UGT2A1: variants seen among roughly 807,000 people sequenced by gnomAD.
UGT2A1 encodes the protein UDP glucuronosyltransferase family 2 member A1 complex locus.
A neutral mutation model predicts 45.4 loss-of-function variants in UGT2A1; 61 were observed. The observed-to-expected ratio is 1.34, with a 90% confidence interval of 1.09 to 1.66. The LOEUF (loss-of-function observed/expected upper bound fraction) is 1.66. Ranked by LOEUF, UGT2A1 falls within the 40% of genes most tolerant of loss-of-function variation. UGT2A1 has a pLI of 0.00. For synonymous variants in UGT2A1, 229 were observed against 196.2 expected (o/e 1.17, Z -1.40); for missense variants, 649 against 574.3 (o/e 1.13, Z -1.33).
chr4:69,614,900 G>A (rs1011752875), intron 3 of UGT2A1, among the ~76,000 whole-genome samples: 4 of 152,052 alleles, frequency 2.6e-5, no homozygotes, highest in African/African-American at 9.7e-5. Context: ...TGGTTGGGAG[G>A]CCTCAGACAA....
chr4:69,633,723 T>C lies in UGT2A1; in HGVS notation c.847+1968A>G, dbSNP rs76402486. On this transcript the variant is annotated intron_variant, in intron 3 of 6. Transcript: ENST00000286604. ...GAGTACATAATGTGTGATTCAACTA[T>C]ATAACGTTTAAAGTCAAGGAAAATT... Among the ~76,000 whole-genome samples the C allele has an allele frequency of 1.9e-3, 288 of 152,276 alleles. 7 individuals are homozygous for C. The East Asian group carries it at 0.05, about 27-fold the overall frequency.
intron 3 of UGT2A1, among the ~76,000 whole-genome samples, chr4:69,605,661 C>T (rs1452783840): frequency 7.4e-6 from 1 of 135,720 alleles, no homozygotes; most frequent in Admixed American, 7.3e-5. Context: ...ATCAACCAAA[C>T]TGATAGACCA....
At chr4:69,597,823 G>A (rs1311924992) in intron 4 of UGT2A1, among the ~76,000 whole-genome samples, 1 of 151,956 alleles carries the variant, frequency 6.6e-6, no homozygotes, top group African/African-American at 2.4e-5. Context: ...TGTATTCTGT[G>A]TACCCAGTGA....
intron 3 of UGT2A1, among the ~76,000 whole-genome samples, chr4:69,627,286 C>A (rs1721114860): frequency 6.6e-6 from 1 of 151,630 alleles, no homozygotes; most frequent in Non-Finnish European, 1.5e-5. Flanking sequence ...AAAATCAAAT[C>A]CACTGCTTAT....
Position 69,647,108 on chromosome 4 carries a change from C to T in UGT2A1, c.537G>A (p.Val179=). 6.2e-7 allele frequency: 1 copy of T among 1,612,796 alleles called. No homozygotes were observed. The highest frequency in any genetic ancestry group is 8.5e-7 in the Non-Finnish European group (1 of 1,179,282). The change falls in exon 2 of 7, where the codon GTG becomes GTA. Residue 179 remains valine (V), a synonymous_variant. Transcript: ENST00000286604. ...YSLRFSPAST[V]EKHCGKVPYP... is the part of the protein sequence containing the mutation. Reference sequence around the variant, plus strand: ...ATGGTACCTTCCCACAGTGCTTTTCCACTGTTGAGGCTGGAGAAAACCTCA... The same window carrying T: ...ATGGTACCTTCCCACAGTGCTTTTCTACTGTTGAGGCTGGAGAAAACCTCA...
At chr4:69,650,222 C>T (rs1277952272) in intron 1 of UGT2A1, among the ~76,000 whole-genome samples, 4 of 152,004 alleles carry the variant, frequency 2.6e-5, no homozygotes, top group Non-Finnish European at 5.9e-5. Flanking sequence ...CTCCAGTGAC[C>T]CTGGGCTGCT....
chr4:69,648,582 A>G (rs2109982015), intron 1 of UGT2A1, among the ~76,000 whole-genome samples: 1 of 152,128 alleles, frequency 6.6e-6, no homozygotes, highest in Non-Finnish European at 1.5e-5. Flanking sequence ...TATTTTAAAA[A>G]TTATCCAATT....
chr4:69,611,124 A>C (rs1720012834), intron 3 of UGT2A1, among the ~76,000 whole-genome samples: 1 of 151,634 alleles, frequency 6.6e-6, no homozygotes, highest in Admixed American at 6.6e-5. Context: ...AAAAAAAGAA[A>C]TCTACTGTTT....
chr4:69,614,011 C>T (rs1043024896), intron 3 of UGT2A1, among the ~76,000 whole-genome samples: 9 of 152,016 alleles, frequency 5.9e-5, no homozygotes, highest in African/African-American at 2.2e-4. Flanking sequence ...AAAGGGCATT[C>T]AAATTATAAA....
chr4:69,611,139 GGTTTTT>G (rs1267675456), intron 3 of UGT2A1, among the ~76,000 whole-genome samples: 1 of 151,464 alleles, frequency 6.6e-6, no homozygotes, highest in Non-Finnish European at 1.5e-5. Context: ...CTGTTTTTTG[GGTTTTT>G]GTTTTTGTTT....
At chr4:69,627,566 GAA>G (rs1560486868) in intron 3 of UGT2A1, among the ~76,000 whole-genome samples, 247 of 145,056 alleles carry the variant, frequency 1.7e-3, no homozygotes, top group African/African-American at 5.7e-3. Context: ...GAGAGAGAGA[GAA>G]AGAAAGAGAG....
At chr4:69,620,040 G>A (rs548808115) in intron 3 of UGT2A1, among the ~76,000 whole-genome samples, 1 of 152,098 alleles carries the variant, frequency 6.6e-6, no homozygotes, top group Non-Finnish European at 1.5e-5. Context: ...ACTGAATGGG[G>A]AAAAGCTGTA....
chr4:69,593,542 T>C (rs1159393383), intron 6 of UGT2A1, among the ~76,000 whole-genome samples: 2 of 150,340 alleles, frequency 1.3e-5, no homozygotes, highest in South Asian at 2.1e-4. Flanking sequence ...CACTATCTAC[T>C]AAGCTATATA....
Position 69,602,895 on chromosome 4 carries a change from G to A in UGT2A1, c.848-3501C>T, listed in dbSNP as rs185811811. On this transcript the variant is annotated intron_variant, in intron 3 of 6. Coordinates refer to ENST00000286604, the MANE Select transcript of UGT2A1 (RefSeq NM_001252275.3). The stretch of plus-strand genomic sequence containing the variant: ...AGTGTGGCCAAGATGGTGAAACCCC[G>A]TCTCTACTAAAAATACAAAAAAATT... 6.0e-5 allele frequency among the ~76,000 whole-genome samples: 8 copies of A among 134,040 alleles called. 2 individuals are homozygous for A. In the South Asian group the frequency reaches 1.5e-3, roughly 25 times the overall value. 87.9% of individuals were successfully genotyped at this position (134,040 alleles called of 152,430 possible).
At chr4:69,599,953 C>T (rs192704551) in intron 3 of UGT2A1, among the ~76,000 whole-genome samples, 1 of 152,184 alleles carries the variant, frequency 6.6e-6, no homozygotes, top group African/African-American at 2.4e-5. Flanking sequence ...AAATCAGAGG[C>T]ATTGCTAGCA....
intron 1 of UGT2A1, among the ~76,000 whole-genome samples, chr4:69,651,545 C>T (rs1457208114): frequency 1.3e-5 from 2 of 152,060 alleles, no homozygotes; most frequent in Admixed American, 6.5e-5. Flanking sequence ...AAAATATATA[C>T]TTTGCTTAAT....
At chr4:69,641,598 TAATTCTCTA>T (rs1467528946) in intron 2 of UGT2A1, among the ~76,000 whole-genome samples, 1 of 151,900 alleles carries the variant, frequency 6.6e-6, no homozygotes, top group Non-Finnish European at 1.5e-5. Context: ...TGTATTTACC[TAATTCTCTA>T]AAAGCTTAAA....
At position 69,594,582 on chromosome 4, in the gene UGT2A1, T is replaced by A; in HGVS notation, c.1199A>T (p.Asn400Ile). The change falls in exon 6 of 7, where the codon AAC becomes ATC. Residue 400 changes from asparagine to isoleucine, a missense_variant. Physicochemically the swap from Asn to Ile is moderately radical, Grantham distance 149. Transcript: ENST00000286604. ...GVPMFADQPD[N>I]IAHMKAKGAA... Reference sequence around the variant, plus strand: ...TCCTTTGGCCTTCATGTGAGCAATGTTATCAGGCTGATCAGCAAACATGGG... The same window carrying A: ...TCCTTTGGCCTTCATGTGAGCAATGATATCAGGCTGATCAGCAAACATGGG... 6.2e-7 allele frequency: 1 copy of A among 1,614,146 alleles called. No homozygotes were observed. The highest frequency in any genetic ancestry group is 8.5e-7 in the Non-Finnish European group (1 of 1,180,036).
intron 4 of UGT2A1, among the ~76,000 whole-genome samples, chr4:69,598,752 A>G (rs1451060332): frequency 2.0e-5 from 3 of 152,124 alleles, no homozygotes; most frequent in African/African-American, 7.2e-5. Context: ...AGATGGCACA[A>G]CTGTCTAATA....
Sources: allele counts gnomAD v4.1 joint callset (sites outside exome capture counted in the v4.1 genomes callset), GRCh38; gene constraint gnomAD v4.1.1; transcripts MANE v1.5; gene names NCBI Gene and HGNC (gene_info 2026-07-23, HGNC 2026-07-21).